Variants in FLT1 observed in about 807,000 individuals in gnomAD.
FLT1 encodes the protein fms related receptor tyrosine kinase 1.
A neutral mutation model predicts 156.3 loss-of-function variants in FLT1; 49 were observed. That is an observed-to-expected ratio of 0.31 (90% CI 0.25 to 0.40). The LOEUF (loss-of-function observed/expected upper bound fraction) is 0.40. Among genes scored for constraint, FLT1 ranks in the 10% least tolerant of loss-of-function variants. The pLI, the probability that FLT1 is intolerant of heterozygous loss-of-function variation, is 1.00. For missense variants in FLT1, 1,322 were observed against 1,637.2 expected, an observed-to-expected ratio of 0.81 and a Z score of 3.32; for synonymous variants, 594 against 583.8, an observed-to-expected ratio of 1.02 and a Z score of -0.25.
chr13:28,392,304 G>A (rs1874784600), intron 12 of FLT1, among the ~76,000 whole-genome samples: 2 of 152,158 alleles, frequency 1.3e-5, no homozygotes, highest in Admixed American at 6.5e-5. Context: ...GATGCAGGAG[G>A]GGCAGCTGAC....
chr13:28,364,679 ATCT>A (rs1015849438), intron 14 of FLT1, among the ~76,000 whole-genome samples: 1 of 152,080 alleles, frequency 6.6e-6, no homozygotes, highest in Non-Finnish European at 1.5e-5. Flanking sequence ...ATTGAATAAG[ATCT>A]TCTTTTACCA....
At chr13:28,387,796 C>T (rs1417182464) in intron 13 of FLT1, 10 of 973,758 alleles carry the variant, frequency 1.0e-5, no homozygotes, top group South Asian at 5.2e-5. Flanking sequence ...AAAACCCACC[C>T]AAAAGTTTCT....
intron 3 of FLT1, among the ~76,000 whole-genome samples, chr13:28,449,008 C>T (rs949500103): frequency 2.6e-5 from 4 of 152,104 alleles, no homozygotes; most frequent in Admixed American, 6.5e-5. Context: ...AGGTTGGGTG[C>T]GATGGCTCAC....
chr13:28,494,868 C>T lies in FLT1; in HGVS notation c.-25G>A. On this transcript the variant is annotated 5_prime_UTR_variant, in exon 1 of 30. Transcript: ENST00000282397. ...TGGTGAGCGCGACGCGGCCTGCTCG[C>T]CCGGTGCCCGCGCTCCCCGCGGCCA... 6.6e-7 allele frequency: 1 copy of T among 1,521,356 alleles called. No individual in the cohort carries two copies. The highest frequency in any genetic ancestry group is 2.7e-5 in the East Asian group (1 of 37,550). The allele number at this position is 1,521,356 out of a possible 1,614,324, so 94.2% of individuals were successfully genotyped here.
At chr13:28,385,860 A>G (rs982055648) in intron 13 of FLT1, 2 of 1,051,508 alleles carry the variant, frequency 1.9e-6, no homozygotes, top group East Asian at 5.4e-5. Context: ...TGAGTACAGT[A>G]TATCTCTAAT....
chr13:28,310,098 C>T (rs1452577101), intron 27 of FLT1, among the ~76,000 whole-genome samples: 2 of 152,184 alleles, frequency 1.3e-5, no homozygotes, highest in East Asian at 3.9e-4. Flanking sequence ...CCATGTTGGC[C>T]AGGCTGGTCT....
intron 18 of FLT1, among the ~76,000 whole-genome samples, chr13:28,331,789 G>A (rs1871941865): frequency 6.6e-6 from 1 of 151,994 alleles, no homozygotes; most frequent in Non-Finnish European, 1.5e-5. Context: ...AAAGCTGAAT[G>A]AAATTTTTTA....
chr13:28,382,407 A>G (rs1245525737), intron 14 of FLT1, among the ~76,000 whole-genome samples: 1 of 152,240 alleles, frequency 6.6e-6, no homozygotes, highest in Non-Finnish European at 1.5e-5. Flanking sequence ...CTCTGAGCAT[A>G]ACGTCGTAGG....
At chr13:28,459,348 T>C (rs1304681187) in intron 3 of FLT1, among the ~76,000 whole-genome samples, 1 of 152,212 alleles carries the variant, frequency 6.6e-6, no homozygotes, top group African/African-American at 2.4e-5. Flanking sequence ...AGCGACTCTA[T>C]GGTGGGAACC....
intron 14 of FLT1, among the ~76,000 whole-genome samples, chr13:28,365,442 C>T (rs969007989): frequency 2.0e-5 from 3 of 151,800 alleles, no homozygotes; most frequent in Non-Finnish European, 4.4e-5. Flanking sequence ...AACCTCTGCT[C>T]CCGGACTCAA....
At position 28,319,442 on chromosome 13, in the gene FLT1, C is replaced by T. The variant is rs138375207; in HGVS notation, c.3267G>A (p.Leu1089=). Residue 1089 remains leucine (L), a synonymous_variant, in exon 24 of 30, where the codon CTG becomes CTA. Transcript: ENST00000282397. ...KSDVWSYGVL[L]WEIFSLGGSP... is the part of the protein sequence containing the mutation. ...ATTTACCTAAGGAGAAGATTTCCCA[C>T]AGCAATACTCCGTAAGACCACACGT... is the stretch of plus-strand genomic sequence containing the variant. 1.5e-5 allele frequency: 24 copies of T among 1,612,352 alleles called. No homozygotes were observed. The highest frequency in any genetic ancestry group is 2.2e-5 in the East Asian group (1 of 44,854).
intron 6 of FLT1, among the ~76,000 whole-genome samples, chr13:28,433,247 G>A (rs1451907800): frequency 6.6e-6 from 1 of 152,198 alleles, no homozygotes; most frequent in Admixed American, 6.5e-5. Context: ...TTGCAAGGAT[G>A]TTCGATTTGA....
At chr13:28,390,142 A>C in intron 12 of FLT1, 38 bp from the exon 13 acceptor site, 2 of 1,602,768 alleles carry the variant, frequency 1.2e-6, no homozygotes, top group African/African-American at 2.7e-5. Flanking sequence ...TTCACAGAAA[A>C]ATCAGTGTCT....
At chr13:28,466,825 C>A (rs533190130) in intron 3 of FLT1, 78 bp downstream of exon 3, 2 of 1,038,142 alleles carry the variant, frequency 1.9e-6, no homozygotes, top group African/African-American at 1.6e-5. Flanking sequence ...GGAAAGCAAC[C>A]TTTCCAATGG....
At chr13:28,305,242 T>A (rs974957953) in intron 29 of FLT1, among the ~76,000 whole-genome samples, 1 of 152,132 alleles carries the variant, frequency 6.6e-6, no homozygotes, top group African/African-American at 2.4e-5. Context: ...GTAATTTCTT[T>A]CCCTTTTTTC....
intron 3 of FLT1, among the ~76,000 whole-genome samples, chr13:28,441,358 A>G (rs926949657): frequency 7.2e-5 from 11 of 152,164 alleles, no homozygotes; most frequent in African/African-American, 2.7e-4. Context: ...CCCTCTGCCA[A>G]GTGTAGTTTG....
intron 11 of FLT1, 78 bp downstream of exon 11, chr13:28,405,702 T>C: frequency 4.7e-6 from 4 of 855,088 alleles, no homozygotes; most frequent in Middle Eastern, 2.3e-4. Flanking sequence ...TTACTTCTGG[T>C]GCCAATAAAC....
At chr13:28,388,092 C>T in intron 13 of FLT1, 1 of 1,056,964 alleles carries the variant, frequency 9.5e-7, no homozygotes, top group Admixed American at 5.4e-5. Context: ...GGCATTGTTT[C>T]CTGAAGGAAC....
chr13:28,304,551 A>G (rs1228667750), intron 29 of FLT1, among the ~76,000 whole-genome samples: 2 of 151,960 alleles, frequency 1.3e-5, no homozygotes, highest in African/African-American at 4.8e-5. Context: ...TATAATTTAC[A>G]TAGTGCATAA....
Sources: allele counts gnomAD v4.1 joint callset (sites outside exome capture counted in the v4.1 genomes callset), GRCh38; gene constraint gnomAD v4.1.1; transcripts MANE v1.5; gene names NCBI Gene and HGNC (gene_info 2026-07-23, HGNC 2026-07-21).